The following NAV1 variants were observed in gnomAD, a reference collection of about 807,000 sequenced individuals.
The protein encoded by NAV1 is neuron navigator 1.
Under a neutral mutation model 175.2 loss-of-function variants are expected in NAV1, and 18 were observed. That is an observed-to-expected ratio of 0.10 (90% confidence interval 0.07 to 0.15). The LOEUF (loss-of-function observed/expected upper bound fraction) is 0.15. Ranked by LOEUF, NAV1 falls within the 10% of genes least tolerant of loss-of-function variation. The pLI is 1.00. For missense variants in NAV1, 1,731 were observed against 2,436.6 expected (o/e 0.71, Z 6.10); for synonymous variants, 897 against 978.7 (o/e 0.92, Z 1.56).
intron 1 of NAV1, among the ~76,000 whole-genome samples, chr1:201,666,374 A>C (rs1362547172): frequency 2.0e-5 from 3 of 152,054 alleles, no homozygotes; most frequent in Admixed American, 6.6e-5. Flanking sequence ...TAAATCATAT[A>C]TTATCTCAAG....
chr1:201,642,612 T>C (rs540494040), intron 2 of NAV1, among the ~76,000 whole-genome samples: 4 of 145,154 alleles, frequency 2.8e-5, no homozygotes, highest in South Asian at 4.5e-4. Flanking sequence ...TCCTTCCACC[T>C]TCCTTCCCTT....
chr1:201,631,221 T>C (rs1196211038), intron 2 of NAV1, among the ~76,000 whole-genome samples: 4 of 152,338 alleles, frequency 2.6e-5, no homozygotes, highest in Admixed American at 2.6e-4. Context: ...GACCCATCTC[T>C]GCCGAGGATA....
exon 1 of NAV1, chr1:201,623,009 G>C: frequency 1.0e-6 from 1 of 986,044 alleles, no homozygotes; most frequent in East Asian, 1.1e-4. Context: ...CTGCGGCCAC[G>C]CCAGGCCGGC....
At chr1:201,565,472 A>G (rs1666324868) in intron 1 of NAV1, among the ~76,000 whole-genome samples, 1 of 152,156 alleles carries the variant, frequency 6.6e-6, no homozygotes, top group Admixed American at 6.5e-5. Context: ...CCCTTGTGCT[A>G]TGTGAGGGCG....
chr1:201,778,825 T>A (rs1676115861), intron 3 of NAV1, among the ~76,000 whole-genome samples: 1 of 152,356 alleles, frequency 6.6e-6, no homozygotes, highest in African/African-American at 2.4e-5. Context: ...GCATGTCTGA[T>A]TTTTGTTCCA....
At chr1:201,648,326 C>T (rs1669047951) in exon 1 of NAV1, 1 of 1,159,920 alleles carries the variant, frequency 8.6e-7, no homozygotes, top group Non-Finnish European at 1.1e-6. Flanking sequence ...GCCGGAGGAG[C>T]CGCGGGGCTT....
chr1:201,733,076 C>T (rs569964958), intron 3 of NAV1, among the ~76,000 whole-genome samples: 2 of 137,198 alleles, frequency 1.5e-5, no homozygotes, highest in African/African-American at 5.5e-5. Flanking sequence ...GTCTCAAAAA[C>T]CAAAACAAAA....
Position 201,813,906 on chromosome 1 carries a change from A to C in NAV1, c.5340+648A>C, listed in dbSNP as rs1186066755. On this transcript the variant is annotated intron_variant, in intron 28 of 29. Transcript: ENST00000367296. This position sits in a 1 kb window ranked among gnomAD's most constrained non-coding sequence, Gnocchi z 4.2. ...TCCCCTTTCTACTAAAAATACAAAA[A>C]ATTAGCCAGACGTGGTGGTGGGCGC... 6.6e-6 allele frequency among the ~76,000 whole-genome samples: 1 copy of C among 152,050 alleles called. No homozygotes were observed. The highest frequency in any genetic ancestry group is 2.4e-5 in the African/African-American group (1 of 41,378).
chr1:201,621,337 T>TC (rs200642834), upstream of NAV1, among the ~76,000 whole-genome samples: 5 of 144,386 alleles, frequency 3.5e-5, no homozygotes, highest in African/African-American at 1.3e-4. Flanking sequence ...TCTTTCTTTT[T>TC]TTTTTTTTTT....
chr1:201,583,742 C>T (rs1666937839), intron 1 of NAV1, among the ~76,000 whole-genome samples: 1 of 152,152 alleles, frequency 6.6e-6, no homozygotes, highest in Non-Finnish European at 1.5e-5. Flanking sequence ...CTGTGTAAAC[C>T]TCCGGTCTTC....
At position 201,782,330 on chromosome 1, in the gene NAV1, C is replaced by A; in HGVS notation, c.1818C>A (p.Gly606=). The A allele has an allele frequency of 6.2e-7, 1 of 1,614,196 alleles. No individual in the cohort carries two copies. The highest frequency in any genetic ancestry group is 8.5e-7 in the Non-Finnish European group (1 of 1,180,034). Residue 606 remains glycine, a synonymous_variant, in exon 6 of 30, where the codon GGC becomes GGA. Transcript: ENST00000367296. This position sits in a 1 kb window ranked among gnomAD's most constrained non-coding sequence, Gnocchi z 5.4. ...GCCCCTCCACTTCGGGATCCTTTGG[C>A]TACAAGAAGCCTCCTCCTGCCACAG...
At chr1:201,689,347 C>G (rs1431726357) in intron 1 of NAV1, among the ~76,000 whole-genome samples, 1 of 152,104 alleles carries the variant, frequency 6.6e-6, no homozygotes, top group East Asian at 1.9e-4. Flanking sequence ...TCTTTTTTCC[C>G]AGGGGGAAGT....
At chr1:201,668,453 G>A (rs1430500803) in intron 1 of NAV1, among the ~76,000 whole-genome samples, 3 of 152,226 alleles carry the variant, frequency 2.0e-5, no homozygotes, top group Middle Eastern at 3.4e-3. Context: ...CCATCCACTC[G>A]CTCATCACTC....
At chr1:201,786,889 G>T (rs1286457789) in intron 9 of NAV1, among the ~76,000 whole-genome samples, 18 of 152,218 alleles carry the variant, frequency 1.2e-4, no homozygotes. Flanking sequence ...ACATTGAACT[G>T]CCGGAAAGGA....
At chr1:201,563,318 T>C (rs1464290587) in intron 1 of NAV1, among the ~76,000 whole-genome samples, 4 of 151,898 alleles carry the variant, frequency 2.6e-5, no homozygotes, top group Admixed American at 2.6e-4. Context: ...GGGCGTTAAC[T>C]CGTCCCACAG....
At chr1:201,685,633 G>A (rs554366451) in intron 1 of NAV1, among the ~76,000 whole-genome samples, 23 of 152,312 alleles carry the variant, frequency 1.5e-4, no homozygotes, top group Admixed American at 4.6e-4. Flanking sequence ...GACAGTCCCT[G>A]CCTGTCCCCC....
chr1:201,771,579 C>G (rs1199457268), intron 3 of NAV1, among the ~76,000 whole-genome samples: 1 of 151,578 alleles, frequency 6.6e-6, no homozygotes, highest in African/African-American at 2.4e-5. Context: ...GCTAGACTGA[C>G]TCAGCTCTCA....
rs535751648 is a variant in NAV1 at position 201,786,935 on chromosome 1, A to G, written c.2995+358A>G. On this transcript the variant is annotated intron_variant, in intron 9 of 29. Transcript: ENST00000367296. The stretch of plus-strand genomic sequence containing the variant: ...CCAGTACTACTAGGGCCAGCTAATG[A>G]GAGGGCAATACTGAAATGTCAGGCC... Among the ~76,000 whole-genome samples, 311 of 152,328 alleles carry G rather than the reference A, an allele frequency of 2.0e-3. 5 individuals are homozygous for G. The highest frequency in any genetic ancestry group is 7.2e-3 in the African/African-American group (301 of 41,568).
At position 201,812,684 on chromosome 1, in the gene NAV1, G is replaced by A. The variant is rs368528317; in HGVS notation, c.5221+23G>A. ...TCGGTACTGGGGTCCAGCTTCCCCC[G>A]GGGGTCAGGAGGTGGCTTCCCTTTT... On this transcript the variant is annotated intron_variant, in intron 27 of 29. Coordinates refer to ENST00000367296, the Ensembl canonical transcript of NAV1. This position sits in a 1 kb window ranked among gnomAD's most constrained non-coding sequence, Gnocchi z 4.6. The A allele has an allele frequency of 1.4e-5, 22 of 1,605,414 alleles. No individual in the cohort carries two copies. The highest frequency in any genetic ancestry group is 1.7e-5 in the Admixed American group (1 of 59,902).
Sources: gnomAD v4.1 joint callset for allele counts (sites outside exome capture counted in the v4.1 genomes callset) on GRCh38, gnomAD v4.1.1 for gene constraint, Gnocchi (gnomAD v3.1) non-coding constraint, MANE v1.5 for transcripts, NCBI Gene and HGNC (gene_info 2026-07-23, HGNC 2026-07-21) for gene names.